MAD1L1: variants seen among roughly 807,000 people sequenced by gnomAD.
The protein encoded by MAD1L1 is mitotic arrest deficient 1 like 1, also known as mitotic spindle assembly checkpoint protein MAD1.
In MAD1L1, 95 loss-of-function variants were observed where a neutral mutation model predicts 96.9. The ratio of observed to expected loss-of-function variants is 0.98; its 90% CI spans 0.83 to 1.16. The LOEUF is 1.16. MAD1L1 is among the 50% of genes most tolerant of loss of function. The pLI is 0.00. For missense variants in MAD1L1, 1,007 were observed against 954.4 expected (o/e 1.06, Z -0.73); for synonymous variants, 473 against 396.6 (o/e 1.19, Z -2.29).
chr7:1,939,586 G>A (rs1019788174), intron 16 of MAD1L1, among the ~76,000 whole-genome samples: 3 of 152,138 alleles, frequency 2.0e-5, no homozygotes, highest in East Asian at 1.9e-4. Flanking sequence ...CCAGCACCAC[G>A]CATAGCAATG....
rs777578888 is a variant in MAD1L1, at chr7:2,216,140, C to G, written c.809+17G>C. Reference sequence around the variant, plus strand: ...GACTCACTCGAGGCGGCTGCCCCATCCCCCGCAACCCCTCACCGCAGGTGC... The same window carrying G: ...GACTCACTCGAGGCGGCTGCCCCATGCCCCGCAACCCCTCACCGCAGGTGC... On this transcript the variant is annotated intron_variant, in intron 8 of 18. Transcript: ENST00000265854. 3 of 1,610,616 alleles carry G rather than the reference C, an allele frequency of 1.9e-6. No individual in the cohort carries two copies. Among genetic ancestry groups the G allele is most frequent in the South Asian group, 2.2e-5 (2 of 90,770 alleles).
chr7:2,141,328 G>C (rs969062183), intron 11 of MAD1L1, among the ~76,000 whole-genome samples: 1 of 152,270 alleles, frequency 6.6e-6, no homozygotes, highest in Non-Finnish European at 1.5e-5. Flanking sequence ...TGATGACCCA[G>C]GCTTTCCCCT....
intron 15 of MAD1L1, among the ~76,000 whole-genome samples, chr7:1,959,103 T>C (rs557430462): frequency 6.6e-6 from 1 of 152,140 alleles, no homozygotes; most frequent in Non-Finnish European, 1.5e-5. Flanking sequence ...AATAAAAAAA[T>C]TAGCCGGGCG....
intron 16 of MAD1L1, among the ~76,000 whole-genome samples, chr7:1,938,840 G>GCA (rs72439038): frequency 0.29 from 26,026 of 90,470 alleles, 3,641 homozygotes; most frequent in Non-Finnish European, 0.34. Context: ...GGGGCCAGAG[G>GCA]CACACACACA....
intron 18 of MAD1L1, among the ~76,000 whole-genome samples, chr7:1,875,835 A>C (rs910467454): frequency 1.3e-4 from 20 of 152,184 alleles, no homozygotes; most frequent in Non-Finnish European, 2.6e-4. Context: ...CTGTATTTGG[A>C]AATAGGACCT....
chr7:2,080,570 T>TG (rs1418979801), intron 11 of MAD1L1, among the ~76,000 whole-genome samples: 1 of 84,720 alleles, frequency 1.2e-5, no homozygotes, highest in Admixed American at 1.9e-4. Context: ...CACAGGCCTC[T>TG]GGTAGGAAGC....
At chr7:2,219,287 C>T (rs1437232269) in intron 6 of MAD1L1, 45 bp downstream of exon 6, 1 of 1,522,356 alleles carries the variant, frequency 6.6e-7, no homozygotes, top group East Asian at 2.5e-5. Flanking sequence ...ACGCATGCCC[C>T]CACACGTGAC....
Position 2,132,396 on chromosome 7 carries a change from C to T in MAD1L1, c.1073+16756G>A, listed in dbSNP as rs891050738. Among the ~76,000 whole-genome samples, 23 of 111,898 alleles carry T rather than the reference C, an allele frequency of 2.1e-4. 1 individual carries two copies. The highest frequency in any genetic ancestry group is 3.1e-4 in the South Asian group (1 of 3,268). 73.4% of individuals were successfully genotyped at this position (111,898 alleles called of 152,430 possible). A position where few individuals can be genotyped will look rare whatever the true frequency, so the allele number is the denominator to read the frequency against. On this transcript the variant is annotated intron_variant, in intron 11 of 18. Transcript: ENST00000265854. ...CTGTGCGACCGCGCGTCCACCATCA[C>T]GGCCGCGTGCAGTCGGTTCACTGCT...
intron 18 of MAD1L1, among the ~76,000 whole-genome samples, chr7:1,873,738 A>G (rs569117549): frequency 6.6e-6 from 1 of 151,948 alleles, no homozygotes; most frequent in South Asian, 2.1e-4. Flanking sequence ...GCCGCAGCTC[A>G]CCCCTGATGG....
At chr7:1,902,247 G>C (rs1464045879) in intron 17 of MAD1L1, among the ~76,000 whole-genome samples, 2 of 152,236 alleles carry the variant, frequency 1.3e-5, no homozygotes, top group Non-Finnish European at 2.9e-5. Context: ...ATTAGGTAAA[G>C]GCTAGCTAGC....
intron 18 of MAD1L1, among the ~76,000 whole-genome samples, chr7:1,885,051 T>C (rs1457993238): frequency 6.6e-6 from 1 of 152,200 alleles, no homozygotes; most frequent in Non-Finnish European, 1.5e-5. Context: ...AGCACACTTC[T>C]CCAACAACCT....
chr7:1,927,798 T>C (rs1448296000), intron 17 of MAD1L1, among the ~76,000 whole-genome samples: 1 of 152,090 alleles, frequency 6.6e-6, no homozygotes, highest in Non-Finnish European at 1.5e-5. Context: ...CTGACCCCTA[T>C]AAAAGAAAAC....
chr7:1,936,511 G>A (rs534354087), intron 17 of MAD1L1, among the ~76,000 whole-genome samples, 176 bp downstream of exon 17: 1 of 152,192 alleles, frequency 6.6e-6, no homozygotes, highest in African/African-American at 2.4e-5. Flanking sequence ...CGGGGCCATG[G>A]GGACACGGGG....
At chr7:2,025,864 A>G (rs1782974285) in intron 12 of MAD1L1, among the ~76,000 whole-genome samples, 1 of 152,214 alleles carries the variant, frequency 6.6e-6, no homozygotes, top group Non-Finnish European at 1.5e-5. Context: ...CTAAAATTAC[A>G]TAAAAGCACA....
In MAD1L1 at chr7:1,902,984, G is replaced by C. The variant is rs148643845; in HGVS notation, c.1808-4594C>G. Among the ~76,000 whole-genome samples, 267 of 151,206 alleles carry C rather than the reference G, an allele frequency of 1.8e-3. 2 individuals are homozygous for C. Among genetic ancestry groups the C allele is most frequent in the African/African-American group, 6.1e-3 (249 of 41,048 alleles). ...GCAAGCGAGGACCCAGTGGCCTACA[G>C]AAGACGCTCTTGCGGAACTCATGAT... On this transcript the variant is annotated intron_variant, in intron 17 of 18. Coordinates refer to ENST00000265854, the MANE Select transcript of MAD1L1 (RefSeq NM_001013836.2).
intron 10 of MAD1L1, among the ~76,000 whole-genome samples, chr7:2,198,934 G>A (rs992320414): frequency 2.0e-5 from 3 of 152,170 alleles, no homozygotes; most frequent in Non-Finnish European, 2.9e-5. Context: ...ACAGGAAGCC[G>A]GCGACCAGTC....
intron 18 of MAD1L1, among the ~76,000 whole-genome samples, chr7:1,856,770 G>A (rs776811626): frequency 1.7e-4 from 26 of 152,112 alleles, no homozygotes; most frequent in African/African-American, 1.4e-4. Flanking sequence ...GTGCCTCCAC[G>A]TTCCACACGT....
At chr7:2,013,433 CCTCTGAGA>C (rs1782390497) in intron 13 of MAD1L1, among the ~76,000 whole-genome samples, 3 of 152,244 alleles carry the variant, frequency 2.0e-5, no homozygotes, top group African/African-American at 7.2e-5. Context: ...AGGCCCAGGC[CCTCTGAGA>C]TGTGGCCTGG....
chr7:2,072,986 G>A (rs958831516), intron 11 of MAD1L1, among the ~76,000 whole-genome samples: 21 of 152,324 alleles, frequency 1.4e-4, no homozygotes, highest in East Asian at 5.8e-4. Flanking sequence ...CCAGGCTCCC[G>A]GCACTTGAGG....
Sources: gnomAD v4.1 joint callset for allele counts (sites outside exome capture counted in the v4.1 genomes callset) on GRCh38, gnomAD v4.1.1 for gene constraint, MANE v1.5 for transcripts, NCBI Gene and HGNC (gene_info 2026-07-23, HGNC 2026-07-21) for gene names.